Variants in CTNND2 observed in about 807,000 individuals in gnomAD.
The protein encoded by CTNND2 is catenin delta 2, also known as catenin delta-2.
In CTNND2, 22 loss-of-function variants were observed where a neutral mutation model predicts 144.4. The observed-to-expected ratio is 0.15, with a 90% CI of 0.11 to 0.22. The LOEUF (loss-of-function observed/expected upper bound fraction) is 0.22, where lower values mean the gene tolerates loss of function less well. Ranked by LOEUF, CTNND2 falls within the 10% of genes least tolerant of loss-of-function variation. CTNND2 has a pLI of 1.00. For synonymous variants in CTNND2, 751 were observed against 695.6 expected, an observed-to-expected ratio of 1.08 and a Z score of -1.25; for missense variants, 1,353 against 1,618.8, an observed-to-expected ratio of 0.84 and a Z score of 2.82.
chr5:11,361,088 C>T (rs1756402653), intron 8 of CTNND2, among the ~76,000 whole-genome samples: 1 of 152,096 alleles, frequency 6.6e-6, no homozygotes, highest in Non-Finnish European at 1.5e-5. Context: ...TGGCGCGATC[C>T]TGGCTCAGCG....
rs184996075 is a variant in CTNND2 at position 11,486,281 on chromosome 5, T to C, written c.288-74212A>G. The stretch of plus-strand genomic sequence containing the variant: ...GGTGATAATATCCAGTAGATCACAC[T>C]GGGTGATAATATCCAGTAGATCACA... On this transcript the variant is annotated intron_variant, in intron 3 of 21. Transcript: ENST00000304623. Among the ~76,000 whole-genome samples the C allele has an allele frequency of 2.3e-3, 348 of 152,328 alleles. 1 individual carries two copies. The highest frequency in any genetic ancestry group is 3.9e-3 in the Non-Finnish European group (263 of 68,030).
At chr5:11,399,600 G>A (rs920883190) in intron 5 of CTNND2, among the ~76,000 whole-genome samples, 13 of 152,180 alleles carry the variant, frequency 8.5e-5, no homozygotes, top group African/African-American at 3.1e-4. Context: ...AATTAAAAAT[G>A]TGGTTTACTT....
At chr5:11,308,230 T>C (rs1284357581) in intron 9 of CTNND2, among the ~76,000 whole-genome samples, 1 of 152,172 alleles carries the variant, frequency 6.6e-6, no homozygotes, top group Non-Finnish European at 1.5e-5. Context: ...ATTACTTTTT[T>C]TTTTTTTTAA....
chr5:11,716,114 T>G (rs971489715), intron 2 of CTNND2, among the ~76,000 whole-genome samples: 3 of 152,194 alleles, frequency 2.0e-5, no homozygotes, highest in Non-Finnish European at 4.4e-5. Context: ...ATGGGGTATC[T>G]GGACTATTCA....
At chr5:11,696,000 G>C (rs1785120914) in intron 2 of CTNND2, among the ~76,000 whole-genome samples, 1 of 152,064 alleles carries the variant, frequency 6.6e-6, no homozygotes, top group Admixed American at 6.5e-5. Context: ...ATAAATATTT[G>C]TATACTTTTT....
chr5:11,650,296 A>C (rs1479646914), intron 2 of CTNND2, among the ~76,000 whole-genome samples: 2 of 152,150 alleles, frequency 1.3e-5, no homozygotes, highest in South Asian at 4.1e-4. Flanking sequence ...CATGATAGTG[A>C]GTTTCCTGAG....
At position 11,498,665 on chromosome 5, in the gene CTNND2, T is replaced by C. The variant is rs146254766; in HGVS notation, c.287+66279A>G. 9.5e-3 allele frequency among the ~76,000 whole-genome samples: 1,442 copies of C among 152,316 alleles called. 15 individuals are homozygous for C. Among genetic ancestry groups the C allele is most frequent in the Middle Eastern group, 0.065 (19 of 294 alleles). ...CTTCCCTTCCATACAGCCAATAAAATGCTGGCAGTTAAAGCTGCTGCTTTG... is the reference window on the plus strand; with the variant it reads ...CTTCCCTTCCATACAGCCAATAAAACGCTGGCAGTTAAAGCTGCTGCTTTG... On this transcript the variant is annotated intron_variant, in intron 3 of 21. Transcript: ENST00000304623.
rs145801196 is a variant in CTNND2 at position 11,016,095 on chromosome 5, C to T, written c.3084+1879G>A. ...TTCAACCAAATGCAGATAAAAAATA[C>T]AGTATTTGCGAGATGCAAAACCCAT... On this transcript the variant is annotated intron_variant, in intron 18 of 21. Coordinates refer to ENST00000304623, the MANE Select transcript of CTNND2 (RefSeq NM_001332.4). 5.3e-3 allele frequency among the ~76,000 whole-genome samples: 813 copies of T among 152,278 alleles called. 6 individuals carry two copies. Among genetic ancestry groups the T allele is most frequent in the Non-Finnish European group, 9.7e-3 (660 of 68,022 alleles).
chr5:11,254,747 T>C (rs1045002059), intron 9 of CTNND2, among the ~76,000 whole-genome samples: 3 of 152,220 alleles, frequency 2.0e-5, no homozygotes, highest in African/African-American at 4.8e-5. Flanking sequence ...GAAACAGGTG[T>C]CACCCTTACT....
intron 1 of CTNND2, among the ~76,000 whole-genome samples, chr5:11,818,996 T>G (rs1444618099): frequency 6.6e-6 from 1 of 152,176 alleles, no homozygotes; most frequent in Non-Finnish European, 1.5e-5. Flanking sequence ...TAAGTAGGCT[T>G]TACAGTTTTT....
intron 3 of CTNND2, among the ~76,000 whole-genome samples, chr5:11,503,125 C>G (rs1164612052): frequency 1.3e-5 from 2 of 152,162 alleles, no homozygotes; most frequent in Admixed American, 1.3e-4. Flanking sequence ...GGGGTCAGCT[C>G]GCATCTGCCC....
intron 3 of CTNND2, among the ~76,000 whole-genome samples, chr5:11,419,785 A>C (rs1388562619): frequency 1.3e-5 from 2 of 152,248 alleles, no homozygotes; most frequent in Non-Finnish European, 2.9e-5. Context: ...GACACAAAGC[A>C]AACCATTACT....
chr5:11,118,695 C>G (rs1326161736), intron 12 of CTNND2, among the ~76,000 whole-genome samples: 1 of 152,194 alleles, frequency 6.6e-6, no homozygotes, highest in Non-Finnish European at 1.5e-5. Context: ...TCCCAAGGAT[C>G]AGTAAGCCTG....
At chr5:11,083,020 T>G (rs1285301261) in intron 15 of CTNND2, among the ~76,000 whole-genome samples, 174 bp from the exon 16 acceptor site, 1 of 152,160 alleles carries the variant, frequency 6.6e-6, no homozygotes, top group Non-Finnish European at 1.5e-5. Flanking sequence ...TTTAACTGTA[T>G]TTTTTGCCTT....
At chr5:11,831,038 A>G (rs1188159183) in intron 1 of CTNND2, among the ~76,000 whole-genome samples, 1 of 152,162 alleles carries the variant, frequency 6.6e-6, no homozygotes, top group Non-Finnish European at 1.5e-5. Flanking sequence ...AAGAAATTAA[A>G]GGAGAGTATG....
intron 12 of CTNND2, among the ~76,000 whole-genome samples, chr5:11,149,216 T>C (rs1204755083): frequency 1.3e-5 from 2 of 152,220 alleles, no homozygotes; most frequent in African/African-American, 4.8e-5. Context: ...CACCTGACTC[T>C]AACTTGTGCA....
intron 2 of CTNND2, among the ~76,000 whole-genome samples, chr5:11,652,835 T>C (rs913816855): frequency 2.0e-5 from 3 of 152,192 alleles, no homozygotes; most frequent in African/African-American, 4.8e-5. Context: ...GTTAATCTTA[T>C]AAATGAAAGT....
chr5:11,046,511 C>A (rs1425292650), intron 16 of CTNND2, among the ~76,000 whole-genome samples: 1 of 152,176 alleles, frequency 6.6e-6, no homozygotes, highest in South Asian at 2.1e-4. Flanking sequence ...CCTATTAAAC[C>A]AACACACTGC....
In CTNND2 at chr5:11,096,450, T is replaced by TG. The variant is rs544244403; in HGVS notation, c.2637+2124dup. On this transcript the variant is annotated intron_variant, in intron 15 of 21. Transcript: ENST00000304623. ...TGTTCCTGTTTTAGTTTGCTGAGAA[T>TG]GATGGTTTCCAGCTCCATCCATGTC... Among the ~76,000 whole-genome samples the TG allele has an allele frequency of 4.6e-5, 7 of 152,324 alleles. No homozygotes were observed. In the East Asian group the frequency reaches 1.2e-3, roughly 25 times the overall value.
Sources: gnomAD v4.1 joint callset for allele counts (sites outside exome capture counted in the v4.1 genomes callset) on GRCh38, gnomAD v4.1.1 for gene constraint, MANE v1.5 for transcripts, NCBI Gene and HGNC (gene_info 2026-07-23, HGNC 2026-07-21) for gene names.